Variants in RIN2 observed in about 807,000 individuals in gnomAD.
RIN2 encodes the protein Ras and Rab interactor 2.
RIN2 carries 36 observed loss-of-function variants against 78.0 expected under a neutral mutation model. The observed-to-expected ratio is 0.46, with a 90% CI of 0.35 to 0.61. The LOEUF is 0.61. Ranked by LOEUF, RIN2 falls within the 20% of genes least tolerant of loss-of-function variation. The pLI is 0.00. For missense variants in RIN2, 1,087 were observed against 1,159.7 expected, an observed-to-expected ratio of 0.94 and a Z score of 0.91; for synonymous variants, 466 against 466.8, an observed-to-expected ratio of 1.00 and a Z score of 0.02.
intron 4 of RIN2, chr20:19,935,569 G>C: frequency 9.9e-7 from 1 of 1,012,912 alleles, no homozygotes; most frequent in Non-Finnish European, 1.2e-6. Flanking sequence ...GGCTTACAGG[G>C]GAGCAGCTAA....
chr20:19,929,572 GGC>G (rs1371678481), intron 3 of RIN2, among the ~76,000 whole-genome samples: 1 of 152,092 alleles, frequency 6.6e-6, no homozygotes, highest in East Asian at 1.9e-4. Context: ...ATGTTGGCGA[GGC>G]TGGTTTCAAA....
intron 1 of RIN2, among the ~76,000 whole-genome samples, chr20:19,774,072 C>T (rs2034227690): frequency 6.6e-6 from 1 of 152,074 alleles, no homozygotes; most frequent in South Asian, 2.1e-4. Flanking sequence ...TGTTTATGGG[C>T]TGTCAACCAG....
intron 1 of RIN2, among the ~76,000 whole-genome samples, chr20:19,764,992 C>T (rs901806913): frequency 7.8e-6 from 1 of 127,844 alleles, no homozygotes; most frequent in Non-Finnish European, 1.6e-5. Context: ...GGCATGATCT[C>T]AGCTCACTGC....
In RIN2 at chr20:19,971,023, C is replaced by A. The variant is rs1308017755; in HGVS notation, c.628+94C>A. The A allele has an allele frequency of 5.7e-6, 5 of 881,448 alleles. No homozygotes were observed. In the Admixed American group the frequency reaches 6.9e-5, roughly 12 times the overall value. The allele number at this position is 881,448 out of a possible 1,614,324, so 54.6% of individuals were successfully genotyped here. The stretch of plus-strand genomic sequence containing the variant: ...ACTGAGGCTACATTGCTCCGTCAAT[C>A]TCTCCAGCTTCTCCATCAGTGAGTT... On this transcript the variant is annotated intron_variant, in intron 8 of 12. Coordinates refer to ENST00000255006, the MANE Select transcript of RIN2 (RefSeq NM_018993.4).
chr20:19,806,328 C>G (rs959962319), intron 2 of RIN2, among the ~76,000 whole-genome samples: 1 of 152,212 alleles, frequency 6.6e-6, no homozygotes, highest in East Asian at 1.9e-4. Flanking sequence ...CTAGTTTACA[C>G]TCCCACCAAC....
chr20:19,897,186 A>G (rs1031264658), intron 3 of RIN2, among the ~76,000 whole-genome samples: 1 of 151,950 alleles, frequency 6.6e-6, no homozygotes, highest in African/African-American at 2.4e-5. Flanking sequence ...GCTCACTGCA[A>G]CCTCCGCCTT....
At chr20:19,962,411 C>G (rs186083545) in intron 6 of RIN2, among the ~76,000 whole-genome samples, 1 of 151,942 alleles carries the variant, frequency 6.6e-6, no homozygotes, top group African/African-American at 2.4e-5. Context: ...ATGTGTTGGT[C>G]GGAAGCCACT....
chr20:19,851,986 G>C (rs1272368856), intron 2 of RIN2, among the ~76,000 whole-genome samples: 1 of 152,160 alleles, frequency 6.6e-6, no homozygotes, highest in Non-Finnish European at 1.5e-5. Context: ...GCAAGTCGTG[G>C]ATTGGTTCAG....
chr20:19,997,781 T>G (rs1470364185), intron 12 of RIN2, among the ~76,000 whole-genome samples: 1 of 151,980 alleles, frequency 6.6e-6, no homozygotes, highest in Non-Finnish European at 1.5e-5. Flanking sequence ...AAGAAATCCT[T>G]ACCCAACACA....
chr20:19,981,130 A>G (rs2042440471), intron 9 of RIN2, among the ~76,000 whole-genome samples: 1 of 152,144 alleles, frequency 6.6e-6, no homozygotes, highest in Non-Finnish European at 1.5e-5. Context: ...CCTCACTTCT[A>G]TAGATGAAGA....
At chr20:19,953,282 C>A (rs532937922) in intron 4 of RIN2, among the ~76,000 whole-genome samples, 104 of 152,096 alleles carry the variant, frequency 6.8e-4, no homozygotes, top group African/African-American at 2.5e-3. Flanking sequence ...CAGGTGTGTG[C>A]CACCATGCCC....
At chr20:19,814,759 AT>A (rs993872122) in intron 2 of RIN2, among the ~76,000 whole-genome samples, 79 of 146,482 alleles carry the variant, frequency 5.4e-4, no homozygotes, top group South Asian at 6.5e-4. Context: ...TACCCAGCTA[AT>A]TTTTTTTTTT....
chr20:19,868,469 C>G (rs1401377649), intron 2 of RIN2, among the ~76,000 whole-genome samples: 1 of 152,218 alleles, frequency 6.6e-6, no homozygotes, highest in Non-Finnish European at 1.5e-5. Context: ...TTGAAGTACT[C>G]TTACAGATTC....
At chr20:19,924,447 C>T (rs2040110977) in intron 3 of RIN2, among the ~76,000 whole-genome samples, 1 of 86,822 alleles carries the variant, frequency 1.2e-5, no homozygotes. Flanking sequence ...CCTTCATACC[C>T]TCACCTTCAT....
chr20:19,766,224 A>C (rs888343474), intron 1 of RIN2, among the ~76,000 whole-genome samples: 6 of 151,968 alleles, frequency 3.9e-5, no homozygotes, highest in African/African-American at 1.5e-4. Context: ...CTCTGGGCAC[A>C]CCTCATACCC....
chr20:19,759,291 C>A (rs1018577798), intron 1 of RIN2, among the ~76,000 whole-genome samples: 4 of 152,122 alleles, frequency 2.6e-5, no homozygotes, highest in South Asian at 4.2e-4. Flanking sequence ...CACTTCCTTG[C>A]GCGGTTTTGG....
At chr20:19,934,965 A>G (rs1237335859) in intron 3 of RIN2, 134 bp from the exon 4 acceptor site, 2 of 628,880 alleles carry the variant, frequency 3.2e-6, no homozygotes, top group East Asian at 2.9e-5. Context: ...CAGAGCCAAG[A>G]TTAAAAAAAA....
At chr20:19,775,072 G>A (rs748643164) in intron 1 of RIN2, among the ~76,000 whole-genome samples, 5 of 152,198 alleles carry the variant, frequency 3.3e-5, no homozygotes, top group African/African-American at 7.2e-5. Context: ...CTTCGTATGT[G>A]TTAAGTTTGA....
chr20:19,996,442 C>G (rs2042968704), intron 11 of RIN2, among the ~76,000 whole-genome samples: 1 of 152,230 alleles, frequency 6.6e-6, no homozygotes, highest in Non-Finnish European at 1.5e-5. Context: ...GTCTGTGCCC[C>G]CTTGGCCCCT....
Sources: allele counts gnomAD v4.1 joint callset (sites outside exome capture counted in the v4.1 genomes callset), GRCh38; gene constraint gnomAD v4.1.1; transcripts MANE v1.5; gene names NCBI Gene and HGNC (gene_info 2026-07-23, HGNC 2026-07-21).